Variants in ABHD3 observed in about 807,000 individuals in gnomAD.
ABHD3 encodes the protein abhydrolase domain containing 3, phospholipase.
A neutral mutation model predicts 48.8 loss-of-function variants in ABHD3; 46 were observed. The ratio of observed to expected loss-of-function variants is 0.94; its 90% confidence interval spans 0.74 to 1.20. The LOEUF (loss-of-function observed/expected upper bound fraction) is 1.20. ABHD3 is among the 50% of genes most tolerant of loss of function. ABHD3 has a pLI of 0.00. For missense variants in ABHD3, 490 were observed against 497.8 expected (o/e 0.98, Z 0.15); for synonymous variants, 192 against 183.7 (o/e 1.04, Z -0.36).
intron 3 of ABHD3, among the ~76,000 whole-genome samples, chr18:21,700,601 T>C (rs1316535760): frequency 2.0e-5 from 3 of 151,374 alleles, no homozygotes; most frequent in Non-Finnish European, 4.4e-5. Flanking sequence ...GGTTTCACCA[T>C]GTTGGCCAAG....
chr18:21,700,121 G>C (rs778035279), intron 3 of ABHD3, among the ~76,000 whole-genome samples: 1 of 150,822 alleles, frequency 6.6e-6, no homozygotes, highest in African/African-American at 2.4e-5. Context: ...ACAGAGTCTC[G>C]CTCTGTCGCC....
chr18:21,700,264 G>A (rs1253941131), intron 3 of ABHD3, among the ~76,000 whole-genome samples: 1 of 151,014 alleles, frequency 6.6e-6, no homozygotes, highest in Admixed American at 6.6e-5. Context: ...TAATTTTTTT[G>A]TATTTTTAGT....
At position 21,656,157 on chromosome 18, in the gene ABHD3, G is replaced by T. The variant is rs373228387; in HGVS notation, c.1057+704C>A. On this transcript the variant is annotated intron_variant, in intron 8 of 8. Transcript: ENST00000289119. ...GGCGACAGAGCGAAAAAGAAAGCAG[G>T]AAAGTTTATTTCTGAATAATTTTCT... 2.4e-4 allele frequency among the ~76,000 whole-genome samples: 36 copies of T among 152,234 alleles called. 3 individuals are homozygous for T. In the South Asian group the frequency reaches 7.5e-3, roughly 32 times the overall value.
intron 5 of ABHD3, among the ~76,000 whole-genome samples, chr18:21,661,503 C>T (rs2510530): frequency 9.9e-5 from 15 of 151,802 alleles, no homozygotes; most frequent in African/African-American, 3.1e-4. Flanking sequence ...TGGTGGTGGG[C>T]GCCCGTAATC....
chr18:21,688,240 A>C (rs1416396810), intron 3 of ABHD3, among the ~76,000 whole-genome samples: 3 of 152,214 alleles, frequency 2.0e-5, no homozygotes, highest in Admixed American at 2.0e-4. Context: ...CTAGTTTCCA[A>C]ATCTGTAATT....
intron 4 of ABHD3, among the ~76,000 whole-genome samples, chr18:21,667,104 C>T (rs867180141): frequency 1.5e-4 from 22 of 147,722 alleles, no homozygotes; most frequent in Middle Eastern, 3.6e-3. Flanking sequence ...AGACAAGTCT[C>T]GCTCTGTCGC....
intron 8 of ABHD3, among the ~76,000 whole-genome samples, chr18:21,654,016 T>G (rs1331190182): frequency 1.3e-5 from 2 of 151,534 alleles, no homozygotes; most frequent in African/African-American, 4.9e-5. Flanking sequence ...CAGCTAATTT[T>G]GTATTTTTTT....
intron 5 of ABHD3, among the ~76,000 whole-genome samples, chr18:21,663,012 T>G (rs918248301): frequency 7.9e-5 from 12 of 152,212 alleles, no homozygotes; most frequent in African/African-American, 2.7e-4. Flanking sequence ...TCAGAGAGTC[T>G]GCGTGGGTTT....
intron 3 of ABHD3, among the ~76,000 whole-genome samples, chr18:21,687,412 C>G (rs141380874): frequency 3.9e-5 from 6 of 151,984 alleles, no homozygotes; most frequent in Non-Finnish European, 8.8e-5. Context: ...AGGGTTTCAC[C>G]GTGTTAGCCA....
chr18:21,664,267 T>C, intron 4 of ABHD3, 37 bp from the exon 5 acceptor site: 1 of 1,584,974 alleles, frequency 6.3e-7, no homozygotes, highest in Non-Finnish European at 8.6e-7. Flanking sequence ...AAAATTACAA[T>C]GTGAGGTTAA....
intron 3 of ABHD3, among the ~76,000 whole-genome samples, chr18:21,684,311 C>CTTTTTTTTTT (rs564516602): frequency 1.1e-4 from 9 of 82,814 alleles, no homozygotes; most frequent in Non-Finnish European, 1.3e-4. Context: ...AATGTTTTTG[C>CTTTTTTTTTT]TTTTTTTTTT....
At chr18:21,664,419 C>G (rs2039574889) in intron 4 of ABHD3, 189 bp from the exon 5 acceptor site, 2 of 541,562 alleles carry the variant, frequency 3.7e-6, no homozygotes, top group Non-Finnish European at 6.2e-6. Flanking sequence ...AAAGTCAGCA[C>G]AGTTAGAGTT....
chr18:21,663,766 A>G, intron 5 of ABHD3: 2 of 1,535,480 alleles, frequency 1.3e-6, no homozygotes, highest in Non-Finnish European at 1.7e-6. Context: ...GTCATGCTAC[A>G]AGTTCAGCTT....
intron 3 of ABHD3, among the ~76,000 whole-genome samples, chr18:21,700,949 C>T (rs1206823935): frequency 1.0e-5 from 1 of 100,334 alleles, no homozygotes; most frequent in African/African-American, 5.0e-5. Context: ...CCAGATTTGG[C>T]CTCAAAAAAA....
At chr18:21,660,366 C>T (rs1230870152) in intron 5 of ABHD3, among the ~76,000 whole-genome samples, 2 of 152,010 alleles carry the variant, frequency 1.3e-5, no homozygotes, top group Non-Finnish European at 2.9e-5. Flanking sequence ...TGTGGTAGAA[C>T]AGCTGACCCC....
intron 3 of ABHD3, among the ~76,000 whole-genome samples, chr18:21,685,433 TTAGGCCCAGTTGAAAGAAGA>T (rs2040109335): frequency 6.6e-6 from 1 of 152,246 alleles, no homozygotes; most frequent in Non-Finnish European, 1.5e-5. Flanking sequence ...GAAAATTTTA[TTAGGCCCAGTTGAAAGAAGA>T]GAAATGTTTA....
Position 21,704,537 on chromosome 18 carries a change from A to G in ABHD3, c.129T>C (p.Ala43=). 1 of 1,510,670 alleles carries G rather than the reference A, an allele frequency of 6.6e-7. No homozygotes were observed. 93.6% of individuals were successfully genotyped at this position (1,510,670 alleles called of 1,614,324 possible). ...GLSLILGFSV[A]YAFYYLSSIA... ...TGCTGCTCAGGTAGTAGAAGGCATA[A>G]GCGACGCTGAAGCCCAGGATAAGGG... The change falls in exon 1 of 9, where the codon GCT becomes GCC. Residue 43 remains alanine (A), a synonymous_variant. Coordinates refer to ENST00000289119, the MANE Select transcript of ABHD3 (RefSeq NM_138340.5).
chr18:21,692,111 G>A (rs961247326), intron 3 of ABHD3, among the ~76,000 whole-genome samples: 18 of 152,036 alleles, frequency 1.2e-4, no homozygotes, highest in Admixed American at 6.6e-4. Flanking sequence ...CACCACACTC[G>A]GCTAATTTTC....
At chr18:21,680,841 T>C (rs2039988322) in intron 4 of ABHD3, among the ~76,000 whole-genome samples, 2 of 148,322 alleles carry the variant, frequency 1.3e-5, no homozygotes, top group African/African-American at 5.1e-5. Flanking sequence ...GTTTCTTTTT[T>C]TCTTTTTCAA....
Sources: allele counts gnomAD v4.1 joint callset (sites outside exome capture counted in the v4.1 genomes callset), GRCh38; gene constraint gnomAD v4.1.1; transcripts MANE v1.5; gene names NCBI Gene and HGNC (gene_info 2026-07-23, HGNC 2026-07-21).